ULK4: variants seen among roughly 807,000 people sequenced by gnomAD.
ULK4 encodes the protein unc-51 like kinase 4, also known as inactive serine/threonine-protein kinase ULK4.
In ULK4, 133 loss-of-function variants were observed where a neutral mutation model predicts 160.6. The observed-to-expected ratio is 0.83, with a 90% CI of 0.72 to 0.96. ULK4 has a LOEUF of 0.96. Ranked by LOEUF, ULK4 falls within the 40% of genes least tolerant of loss-of-function variation. ULK4 has a pLI of 0.00. For synonymous variants in ULK4, 534 were observed against 539.8 expected, an observed-to-expected ratio of 0.99 and a Z score of 0.15; for missense variants, 1,580 against 1,499.5, an observed-to-expected ratio of 1.05 and a Z score of -0.89.
chr3:41,379,706 C>T (rs1238811055), intron 35 of ULK4, among the ~76,000 whole-genome samples: 1 of 152,170 alleles, frequency 6.6e-6, no homozygotes, highest in Non-Finnish European at 1.5e-5. Flanking sequence ...CAACCTTACT[C>T]ATCACCCCTA....
intron 34 of ULK4, among the ~76,000 whole-genome samples, chr3:41,455,188 A>G (rs1009589763): frequency 1.3e-5 from 2 of 152,146 alleles, no homozygotes; most frequent in African/African-American, 4.8e-5. Flanking sequence ...TTGAGAAGAA[A>G]TTGATTCCCA....
chr3:41,832,154 AC>A (rs1206555937), intron 18 of ULK4, among the ~76,000 whole-genome samples: 2 of 152,196 alleles, frequency 1.3e-5, no homozygotes, highest in Non-Finnish European at 2.9e-5. Context: ...GTACATTCCC[AC>A]CAACAGTCCA....
chr3:41,486,377 T>C (rs1423466000), intron 32 of ULK4, among the ~76,000 whole-genome samples: 2 of 152,104 alleles, frequency 1.3e-5, no homozygotes, highest in Non-Finnish European at 2.9e-5. Flanking sequence ...CATTAAAGTG[T>C]GCAGAAATAA....
At position 41,961,550 on chromosome 3, in the gene ULK4, A is replaced by ACCCCTCCCCCCCCCCC. The variant is rs57463009; in HGVS notation, c.-49+465_-49+466insGGGGGGGGGGGAGGGG. ...ACTCAGGGGCGCTACGTAGTCACTCACCCCCCCCCCCCCCCCCCCCGCTCC... is the reference window on the plus strand; with the variant it reads ...ACTCAGGGGCGCTACGTAGTCACTCACCCCTCCCCCCCCCCCCCCCCCCCCCCCCCCCCCCCGCTCC... On this transcript the variant is annotated intron_variant, in intron 1 of 36. Transcript: ENST00000301831. Among the ~76,000 whole-genome samples, 41 of 124,684 alleles carry ACCCCTCCCCCCCCCCC rather than the reference A, an allele frequency of 3.3e-4. 1 individual carries two copies. The highest frequency in any genetic ancestry group is 5.9e-4 in the Admixed American group (8 of 13,496). The allele number at this position is 124,684 out of a possible 152,430, so 81.8% of individuals were successfully genotyped here.
intron 32 of ULK4, among the ~76,000 whole-genome samples, chr3:41,482,394 G>A (rs1412085981): frequency 2.6e-5 from 4 of 152,192 alleles, no homozygotes; most frequent in African/African-American, 9.7e-5. Flanking sequence ...GGAGCCAGAA[G>A]CTGGGTTACG....
intron 35 of ULK4, among the ~76,000 whole-genome samples, chr3:41,385,352 A>G (rs1028936700): frequency 1.3e-5 from 2 of 152,272 alleles, no homozygotes; most frequent in Non-Finnish European, 2.9e-5. Flanking sequence ...CTGTAGAGAG[A>G]GTAGGGAACA....
chr3:41,789,946 C>T, intron 20 of ULK4, 103 bp from the exon 21 acceptor site: 2 of 1,086,468 alleles, frequency 1.8e-6, no homozygotes, highest in African/African-American at 1.6e-5. Context: ...AAGGTGCTTA[C>T]TTGGCTCTTT....
At chr3:41,627,413 ACAAGACACATGAAG>A (rs1301058441) in intron 30 of ULK4, among the ~76,000 whole-genome samples, 1 of 152,154 alleles carries the variant, frequency 6.6e-6, no homozygotes, top group Non-Finnish European at 1.5e-5. Flanking sequence ...AAAAGAGTAG[ACAAGACACATGAAG>A]CAAGACACAT....
intron 32 of ULK4, among the ~76,000 whole-genome samples, chr3:41,481,595 AG>A (rs376973648): frequency 8.0e-4 from 122 of 152,210 alleles, no homozygotes; most frequent in African/African-American, 2.6e-3. Flanking sequence ...TGGGAGGCCG[AG>A]GCGGGCGGAT....
intron 32 of ULK4, among the ~76,000 whole-genome samples, chr3:41,493,983 C>T (rs1207824183): frequency 1.7e-4 from 25 of 148,384 alleles, no homozygotes; most frequent in South Asian, 6.6e-4. Context: ...GATTCACAGC[C>T]GAATTCTACC....
At chr3:41,798,032 T>C (rs2040354178) in intron 20 of ULK4, among the ~76,000 whole-genome samples, 1 of 152,068 alleles carries the variant, frequency 6.6e-6, no homozygotes, top group Non-Finnish European at 1.5e-5. Context: ...TTGGGACAAC[T>C]GGCAAAATTT....
At chr3:41,690,698 C>T (rs551194344) in intron 27 of ULK4, among the ~76,000 whole-genome samples, 1 of 151,932 alleles carries the variant, frequency 6.6e-6, no homozygotes, top group African/African-American at 2.4e-5. Flanking sequence ...ACGCCACTCC[C>T]CAGTCCTACC....
intron 35 of ULK4, among the ~76,000 whole-genome samples, chr3:41,311,518 C>CA (rs1461980236): frequency 6.6e-6 from 1 of 152,116 alleles, no homozygotes; most frequent in African/African-American, 2.4e-5. Context: ...AGCTTGCAGG[C>CA]AGCCTATTGT....
rs571986594 is a variant in ULK4 at position 41,478,011 on chromosome 3, A to G, written c.3227-14758T>C. Among the ~76,000 whole-genome samples, 6 of 152,348 alleles carry G rather than the reference A, an allele frequency of 3.9e-5. No homozygotes were observed. In the East Asian group the frequency reaches 7.7e-4, roughly 20 times the overall value. On this transcript the variant is annotated intron_variant, in intron 32 of 36. Coordinates refer to ENST00000301831, the MANE Select transcript of ULK4 (RefSeq NM_017886.4). ...CTACATTGTGCTTGTCACCAGGCCAATGCCTTTCAAACCCAGCTCTACTCC... is the reference window on the plus strand; with the variant it reads ...CTACATTGTGCTTGTCACCAGGCCAGTGCCTTTCAAACCCAGCTCTACTCC...
At chr3:41,836,426 C>T (rs2041759369) in intron 17 of ULK4, among the ~76,000 whole-genome samples, 1 of 152,174 alleles carries the variant, frequency 6.6e-6, no homozygotes, top group Non-Finnish European at 1.5e-5. Context: ...CCACCTCGAC[C>T]TCCCAAAGTG....
intron 16 of ULK4, among the ~76,000 whole-genome samples, chr3:41,888,663 G>A (rs1449890307): frequency 9.2e-5 from 14 of 152,158 alleles, no homozygotes; most frequent in African/African-American, 1.2e-4. Context: ...CCTGGCCTCC[G>A]GGGTAAACGT....
chr3:41,424,743 C>A (rs1465466880), intron 34 of ULK4, among the ~76,000 whole-genome samples: 1 of 146,344 alleles, frequency 6.8e-6, no homozygotes, highest in East Asian at 2.1e-4. Flanking sequence ...ACAACAGCAT[C>A]AACAGGAAAC....
chr3:41,529,339 CA>C (rs2086223783), intron 32 of ULK4, among the ~76,000 whole-genome samples: 1 of 152,166 alleles, frequency 6.6e-6, no homozygotes, highest in Admixed American at 6.5e-5. Context: ...GTCAAACCTT[CA>C]TGTAGACATG....
At chr3:41,911,175 A>G in intron 11 of ULK4, 142 bp downstream of exon 11, 1 of 811,958 alleles carries the variant, frequency 1.2e-6, no homozygotes, top group Non-Finnish European at 2.0e-6. Flanking sequence ...TGTAACTTTG[A>G]AATTGGAGAG....
Sources: allele counts gnomAD v4.1 joint callset (sites outside exome capture counted in the v4.1 genomes callset), GRCh38; gene constraint gnomAD v4.1.1; transcripts MANE v1.5; gene names NCBI Gene and HGNC (gene_info 2026-07-23, HGNC 2026-07-21).